The following TP73 variants were observed in gnomAD, a reference collection of about 807,000 sequenced individuals.
The protein encoded by TP73 is p53-like transcription factor.
TP73 carries 25 observed loss-of-function variants against 62.5 expected under a neutral mutation model. The observed-to-expected ratio is 0.40, with a 90% CI of 0.29 to 0.56. The LOEUF is 0.56. Among genes scored for constraint, TP73 ranks in the 20% least tolerant of loss-of-function variants. The probability of loss-of-function intolerance (pLI) is 0.46; values close to 1 mark genes in which losing one functional copy is unlikely to be tolerated. For missense variants in TP73, 754 were observed against 913.3 expected, an observed-to-expected ratio of 0.83 and a Z score of 2.25; for synonymous variants, 423 against 377.5, an observed-to-expected ratio of 1.12 and a Z score of -1.40.
At chr1:3,667,444 T>A (rs1487742739) in intron 1 of TP73, among the ~76,000 whole-genome samples, 2 of 152,210 alleles carry the variant, frequency 1.3e-5, no homozygotes, top group East Asian at 3.8e-4. Flanking sequence ...TCTCCAGCTC[T>A]TGCCTGATAG....
intron 1 of TP73, 53 bp from the exon 2 acceptor site, chr1:3,682,280 G>A: frequency 7.5e-7 from 1 of 1,330,508 alleles, no homozygotes; most frequent in Non-Finnish European, 9.9e-7. Flanking sequence ...TGTCACAGGA[G>A]GACAGAGCAC....
intron 4 of TP73, among the ~76,000 whole-genome samples, chr1:3,711,228 G>A (rs1007708916): frequency 2.6e-5 from 4 of 152,244 alleles, no homozygotes; most frequent in Admixed American, 6.5e-5. Context: ...CTCCACACAC[G>A]TGAGCTCTGA....
chr1:3,671,530 G>C (rs934276617), intron 1 of TP73, among the ~76,000 whole-genome samples: 18 of 152,222 alleles, frequency 1.2e-4, no homozygotes, highest in African/African-American at 4.3e-4. Context: ...AGGCTGGATC[G>C]TTGTCTGCCC....
chr1:3,730,900 T>C (rs1176100732), intron 11 of TP73, 27 bp from the exon 12 acceptor site: 1 of 1,574,782 alleles, frequency 6.4e-7, no homozygotes, highest in Non-Finnish European at 8.6e-7. Flanking sequence ...CTGGCTGCCC[T>C]GATGGCCCCA....
chr1:3,717,450 C>T (rs543519010), intron 4 of TP73, among the ~76,000 whole-genome samples: 13 of 152,346 alleles, frequency 8.5e-5, no homozygotes, highest in Middle Eastern at 3.4e-3. Context: ...CAAGTCCAGG[C>T]GGCTCCGTGT....
At chr1:3,655,820 G>A (rs1029334518) in intron 1 of TP73, among the ~76,000 whole-genome samples, 2 of 152,128 alleles carry the variant, frequency 1.3e-5, no homozygotes, top group Non-Finnish European at 2.9e-5. Context: ...TCTTAAGTGG[G>A]TTACACAGGA....
At chr1:3,657,314 C>T (rs1644886661) in intron 1 of TP73, among the ~76,000 whole-genome samples, 1 of 152,190 alleles carries the variant, frequency 6.6e-6, no homozygotes, top group Non-Finnish European at 1.5e-5. Context: ...CCCAGGCATG[C>T]AGATGCACCA....
intron 3 of TP73, among the ~76,000 whole-genome samples, chr1:3,692,562 C>T (rs1428230711): frequency 6.6e-6 from 1 of 152,160 alleles, no homozygotes; most frequent in Non-Finnish European, 1.5e-5. Flanking sequence ...GCCTGGGGCT[C>T]CTGGGGGGCT....
At position 3,671,974 on chromosome 1, in the gene TP73, C is replaced by A. The variant is rs184677624; in HGVS notation, c.-33-10359C>A. Among the ~76,000 whole-genome samples the A allele has an allele frequency of 4.4e-3, 666 of 152,248 alleles. 1 individual carries two copies. The highest frequency in any genetic ancestry group is 7.5e-3 in the Non-Finnish European group (513 of 67,996). On this transcript the variant is annotated intron_variant, in intron 1 of 13. Transcript: ENST00000378295. ...GGGAACACGCCAGGAGGGAGGATTG[C>A]TCACTGAGTCAGGGCGGGACTCAGA...
At chr1:3,730,212 TCAG>T in intron 11 of TP73, 64 bp downstream of exon 11, 1 of 1,429,048 alleles carries the variant, frequency 7.0e-7, no homozygotes, top group Non-Finnish European at 9.2e-7. Flanking sequence ...GGCGCCTAGC[TCAG>T]GACACACCAC....
At chr1:3,673,744 C>T (rs1294493029) in intron 1 of TP73, among the ~76,000 whole-genome samples, 1 of 152,186 alleles carries the variant, frequency 6.6e-6, no homozygotes, top group African/African-American at 2.4e-5. Flanking sequence ...CCTGGGCAGG[C>T]AGCAGAGGAC....
chr1:3,730,440 T>C (rs1289317701), intron 11 of TP73, among the ~76,000 whole-genome samples: 1 of 152,172 alleles, frequency 6.6e-6, no homozygotes, highest in Non-Finnish European at 1.5e-5. Context: ...ACACAGCCTG[T>C]TTCCCCATCA....
chr1:3,707,227 G>A (rs961638981), intron 3 of TP73, among the ~76,000 whole-genome samples: 4 of 152,180 alleles, frequency 2.6e-5, no homozygotes, highest in Non-Finnish European at 5.9e-5. Flanking sequence ...TGAAGCCCGT[G>A]TGGGCATCAG....
chr1:3,667,660 G>C lies in TP73; in HGVS notation c.-33-14673G>C, dbSNP rs556831689. 2.0e-5 allele frequency among the ~76,000 whole-genome samples: 3 copies of C among 150,538 alleles called. No homozygotes were observed. The South Asian group carries it at 6.3e-4, about 31-fold the overall frequency. On this transcript the variant is annotated intron_variant, in intron 1 of 13. Transcript: ENST00000378295. ...AGCTATTCAGGAGGCTGAGGCATGA[G>C]AATCGCTTGAACCTGGGAGGCAAAG...
At chr1:3,726,139 G>T (rs1177044723) in intron 6 of TP73, among the ~76,000 whole-genome samples, 1 of 132,886 alleles carries the variant, frequency 7.5e-6, no homozygotes, top group Non-Finnish European at 1.6e-5. Flanking sequence ...ATATTGAATG[G>T]ATGGGTGGGT....
chr1:3,684,812 G>A (rs921494925), intron 3 of TP73, among the ~76,000 whole-genome samples: 2 of 150,488 alleles, frequency 1.3e-5, no homozygotes, highest in South Asian at 2.1e-4. Context: ...GTGTCTGCGC[G>A]TGTTCTAGTC....
intron 3 of TP73, among the ~76,000 whole-genome samples, chr1:3,689,881 C>T (rs1304889773): frequency 6.6e-6 from 1 of 152,140 alleles, no homozygotes; most frequent in Non-Finnish European, 1.5e-5. Context: ...CAGGGGGACT[C>T]GGGCCCCTCT....
chr1:3,733,400 T>A lies in TP73; in HGVS notation c.*321T>A. On this transcript the variant is annotated 3_prime_UTR_variant, in exon 14 of 14. Coordinates refer to ENST00000378295, the MANE Select transcript of TP73 (RefSeq NM_005427.4). ...GCAGGCGTGGGTGGGGACCGCAGCG[T>A]CGGCTCCGACTTCCAGGCTTCATCC... is the stretch of plus-strand genomic sequence containing the variant. 1 of 418,252 alleles carries A rather than the reference T, an allele frequency of 2.4e-6. No individual in the cohort carries two copies. The highest frequency in any genetic ancestry group is 4.3e-5 in the South Asian group (1 of 23,208). The allele number at this position is 418,252 out of a possible 1,614,324, so 25.9% of individuals were successfully genotyped here.
At chr1:3,673,101 C>T (rs1288185802) in intron 1 of TP73, among the ~76,000 whole-genome samples, 2 of 152,242 alleles carry the variant, frequency 1.3e-5, no homozygotes, top group African/African-American at 4.8e-5. Flanking sequence ...GAGCTGGCAC[C>T]GGCTGCCGCT....
Sources: gnomAD v4.1 joint callset for allele counts (sites outside exome capture counted in the v4.1 genomes callset) on GRCh38, gnomAD v4.1.1 for gene constraint, MANE v1.5 for transcripts, NCBI Gene and HGNC (gene_info 2026-07-23, HGNC 2026-07-21) for gene names.